LRRC9: variants seen among roughly 807,000 people sequenced by gnomAD.
LRRC9 encodes leucine rich repeat containing 9, also known as leucine-rich repeat-containing protein 9.
LRRC9 carries 122 observed loss-of-function variants against 63.2 expected under a neutral mutation model. The ratio of observed to expected loss-of-function variants is 1.93; its 90% confidence interval spans 1.67 to 2.24. LRRC9 has a LOEUF of 2.24. Ranked by LOEUF, LRRC9 falls within the 30% of genes most tolerant of loss-of-function variation. The probability of loss-of-function intolerance (pLI) is 0.00; values close to 1 mark genes in which losing one functional copy is unlikely to be tolerated. For synonymous variants in LRRC9, 366 were observed against 213.1 expected (o/e 1.72, Z -6.25); for missense variants, 1,071 against 627.7 (o/e 1.71, Z -7.55).
chr14:60,053,530 C>T lies in LRRC9; in HGVS notation c.4131+325C>T, dbSNP rs1688842484. 6.6e-6 allele frequency among the ~76,000 whole-genome samples: 1 copy of T among 152,086 alleles called. No individual in the cohort carries two copies. Among genetic ancestry groups the T allele is most frequent in the Admixed American group, 6.6e-5 (1 of 15,238 alleles). Reference sequence around the variant, plus strand: ...CTCAATATGTCAGATGATGCTAGAACATAGGAAACTATAACATATCACTTT... The same window carrying T: ...CTCAATATGTCAGATGATGCTAGAATATAGGAAACTATAACATATCACTTT... On this transcript the variant is annotated intron_variant, in intron 30 of 31. Transcript: ENST00000445360. The surrounding 1 kb of genome is among the most constrained non-coding windows in gnomAD (Gnocchi z 4.8).
At position 59,990,313 on chromosome 14, in the gene LRRC9, C is replaced by A. The variant is rs1488204686; in HGVS notation, c.2211+5089C>A. ...AACAGTTTCTTCTATGAGAAGGATT[C>A]TGTCTTGAAGAGAGTCCTAGTGGAA... is the stretch of plus-strand genomic sequence containing the variant. On this transcript the variant is annotated intron_variant, in intron 17 of 31. Coordinates refer to ENST00000445360, the Ensembl canonical transcript of LRRC9. The surrounding 1 kb of genome is among the most constrained non-coding windows in gnomAD (Gnocchi z 4.2). Among the ~76,000 whole-genome samples, 2 of 152,222 alleles carry A rather than the reference C, an allele frequency of 1.3e-5. No individual in the cohort carries two copies. The highest frequency in any genetic ancestry group is 2.9e-5 in the Non-Finnish European group (2 of 68,044).
chr14:59,972,792 T>C (rs2140039327), intron 12 of LRRC9, among the ~76,000 whole-genome samples: 1 of 152,260 alleles, frequency 6.6e-6, no homozygotes, highest in South Asian at 2.1e-4. Flanking sequence ...ACAACACAAC[T>C]GGATACAGTA....
chr14:59,948,506 C>T (rs1290772414), intron 8 of LRRC9, among the ~76,000 whole-genome samples: 98 of 121,926 alleles, frequency 8.0e-4, no homozygotes, highest in African/African-American at 3.0e-3. Flanking sequence ...TTATTTCTTT[C>T]TCCTGCCTGA....
chr14:59,955,710 T>C (rs191172513), intron 8 of LRRC9, among the ~76,000 whole-genome samples: 107 of 152,298 alleles, frequency 7.0e-4, no homozygotes, highest in South Asian at 1.5e-3. Context: ...CTTGTTTCTA[T>C]AGTTCTCTTA....
chr14:60,000,960 C>A (rs1254382976), intron 19 of LRRC9, among the ~76,000 whole-genome samples: 1 of 152,030 alleles, frequency 6.6e-6, no homozygotes, highest in Non-Finnish European at 1.5e-5. Flanking sequence ...GAAATCAGAA[C>A]AGCCAATTAA....
chr14:59,980,837 A>C (rs889422451), intron 15 of LRRC9, among the ~76,000 whole-genome samples: 2 of 152,234 alleles, frequency 1.3e-5, no homozygotes, highest in Non-Finnish European at 2.9e-5. Context: ...TAACAACTCA[A>C]GAGATGGGCA....
intron 18 of LRRC9, among the ~76,000 whole-genome samples, chr14:59,998,383 C>G (rs1306888038): frequency 6.6e-6 from 1 of 151,914 alleles, no homozygotes; most frequent in Non-Finnish European, 1.5e-5. Context: ...GTCTTATGTT[C>G]TCTTATAAAA....
At chr14:59,982,763 G>T (rs1195077669) in intron 16 of LRRC9, among the ~76,000 whole-genome samples, 1 of 152,128 alleles carries the variant, frequency 6.6e-6, no homozygotes, top group Non-Finnish European at 1.5e-5. Flanking sequence ...TCTTAATTCT[G>T]AAGTATATTT....
At chr14:60,052,209 GAGGGAAGA>G (rs1566910783) in intron 29 of LRRC9, among the ~76,000 whole-genome samples, 1 of 152,196 alleles carries the variant, frequency 6.6e-6, no homozygotes, top group Non-Finnish European at 1.5e-5. Flanking sequence ...TACATTCAGG[GAGGGAAGA>G]AGGGAAGAAG....
At chr14:60,046,590 C>T (rs76722860) in intron 29 of LRRC9, among the ~76,000 whole-genome samples, 9 of 151,948 alleles carry the variant, frequency 5.9e-5, no homozygotes, top group Non-Finnish European at 1.0e-4. Context: ...TGTAGGTGTG[C>T]GGTCTTATTT....
chr14:59,943,934 G>A (rs1882061226), intron 7 of LRRC9, among the ~76,000 whole-genome samples: 1 of 151,704 alleles, frequency 6.6e-6, no homozygotes, highest in Admixed American at 6.6e-5. Context: ...TTTGTTTATG[G>A]TCTCCTCAGA....
chr14:60,029,417 C>A (rs1595063410), intron 28 of LRRC9, among the ~76,000 whole-genome samples: 1 of 152,000 alleles, frequency 6.6e-6, no homozygotes, highest in East Asian at 1.9e-4. Flanking sequence ...GAAACATCTC[C>A]ATTTTAAACT....
At chr14:59,925,890 T>C (rs1471603119) in intron 1 of LRRC9, among the ~76,000 whole-genome samples, 1 of 152,112 alleles carries the variant, frequency 6.6e-6, no homozygotes. Context: ...CGAGACTAGG[T>C]GGACATAATT....
At chr14:60,002,470 T>C (rs760084316) in intron 20 of LRRC9, among the ~76,000 whole-genome samples, 11 of 152,160 alleles carry the variant, frequency 7.2e-5, no homozygotes, top group Middle Eastern at 3.2e-3. Flanking sequence ...TCCTATGAGT[T>C]TGACTATTTT....
intron 29 of LRRC9, among the ~76,000 whole-genome samples, chr14:60,046,738 A>T (rs898967770): frequency 2.0e-5 from 3 of 152,082 alleles, no homozygotes; most frequent in African/African-American, 7.2e-5. Context: ...TTTCCTTAGG[A>T]TTGTCTTAAC....
rs1889896554 is a variant in LRRC9, at chr14:59,933,696, G to A, written c.543+1657G>A. 2.0e-5 allele frequency among the ~76,000 whole-genome samples: 3 copies of A among 152,150 alleles called. 1 individual carries two copies. In the South Asian group the frequency reaches 6.2e-4, roughly 31 times the overall value. On this transcript the variant is annotated intron_variant, in intron 6 of 31. Transcript: ENST00000445360. ...ACAAAATTGTATTAGTCAAATTCAA[G>A]AGGAAATATTTGATAAGAACTTTGA... is the stretch of plus-strand genomic sequence containing the variant.
At chr14:60,025,169 C>T (rs1378406272) in intron 27 of LRRC9, among the ~76,000 whole-genome samples, 2 of 151,914 alleles carry the variant, frequency 1.3e-5, no homozygotes, top group African/African-American at 4.8e-5. Flanking sequence ...TAGCTCACTG[C>T]AGCCTCAACC....
exon 25 of LRRC9, chr14:60,018,399 T>C: frequency 1.4e-6 from 1 of 700,610 alleles, no homozygotes; most frequent in South Asian, 1.5e-5. Context: ...AGTCGACCAA[T>C]TTAGAAATGT....
intron 24 of LRRC9, 24 bp downstream of exon 24, chr14:60,016,814 T>G (rs1890724932): frequency 3.1e-6 from 2 of 641,168 alleles, no homozygotes; most frequent in Non-Finnish European, 5.8e-6. Flanking sequence ...ATTATATGCC[T>G]TTTTACATTA....
Sources: allele counts gnomAD v4.1 joint callset (sites outside exome capture counted in the v4.1 genomes callset), GRCh38; gene constraint gnomAD v4.1.1; non-coding constraint Gnocchi (gnomAD v3.1); transcripts MANE v1.5; gene names NCBI Gene and HGNC (gene_info 2026-07-23, HGNC 2026-07-21).